The following PSMD14 variants were observed in gnomAD, a reference collection of about 807,000 sequenced individuals.
The protein encoded by PSMD14 is proteasome 26S subunit, non-ATPase 14.
Under a neutral mutation model 41.2 loss-of-function variants are expected in PSMD14, and 7 were observed. The ratio of observed to expected loss-of-function variants is 0.17; its 90% CI spans 0.10 to 0.32. The LOEUF (loss-of-function observed/expected upper bound fraction) is 0.32, where lower values mean the gene tolerates loss of function less well. PSMD14 is among the 10% of genes least tolerant of loss of function. PSMD14 has a pLI of 1.00. For synonymous variants in PSMD14, 114 were observed against 122.3 expected, an observed-to-expected ratio of 0.93 and a Z score of 0.45; for missense variants, 139 against 375.6, an observed-to-expected ratio of 0.37 and a Z score of 5.21.
At chr2:161,329,985 A>G (rs1399369845) in intron 3 of PSMD14, among the ~76,000 whole-genome samples, 1 of 152,192 alleles carries the variant, frequency 6.6e-6, no homozygotes, top group Non-Finnish European at 1.5e-5. Flanking sequence ...GGTACATGAT[A>G]GTTAACCTGT....
chr2:161,311,272 A>G (rs1031063406), intron 1 of PSMD14, among the ~76,000 whole-genome samples: 40 of 152,116 alleles, frequency 2.6e-4, no homozygotes, highest in Non-Finnish European at 5.3e-4. Flanking sequence ...TTGCGACACT[A>G]CACTCCAGCC....
At position 161,395,138 on chromosome 2, in the gene PSMD14, G is replaced by C. The variant is rs776573645; in HGVS notation, c.706G>C (p.Glu236Gln). 7 of 1,599,442 alleles carry C rather than the reference G, an allele frequency of 4.4e-6. No individual in the cohort carries two copies. In the East Asian group the frequency reaches 1.6e-4, roughly 36 times the overall value. Reference sequence around the variant, plus strand: ...AGGTTTGACACTTCAGGACTACAGTGAACATTGTAAACACAATGAATCAGT... The same window carrying C: ...AGGTTTGACACTTCAGGACTACAGTCAACATTGTAAACACAATGAATCAGT... ...MEGLTLQDYS[E>Q]HCKHNESVVK... The change falls in exon 10 of 12, where the codon GAA becomes CAA. Residue 236 changes from glutamate (E) to glutamine (Q), a missense_variant. Transcript: ENST00000409682.
At chr2:161,410,209 C>T (rs1166692503) in intron 11 of PSMD14, among the ~76,000 whole-genome samples, 1 of 151,934 alleles carries the variant, frequency 6.6e-6, no homozygotes. Context: ...CAGTGTTTCT[C>T]AGTGTTTTTC....
intron 3 of PSMD14, among the ~76,000 whole-genome samples, chr2:161,363,984 T>G (rs1683325125): frequency 1.3e-5 from 2 of 152,228 alleles, no homozygotes; most frequent in Non-Finnish European, 2.9e-5. Flanking sequence ...TTTCTGTATC[T>G]GGGGGTTCTT....
In PSMD14 at chr2:161,408,827, T is replaced by G; in HGVS notation, c.772-10T>G. The G allele has an allele frequency of 1.3e-6, 2 of 1,593,324 alleles. No homozygotes were observed. Among genetic ancestry groups the G allele is most frequent in the Non-Finnish European group, 1.7e-6 (2 of 1,163,576 alleles). ...AATTTTAAACTCTGTCCTTTGTGTT[T>G]CATTCACAGGCTGTAGAAGAAGAAG... On this transcript the variant is annotated splice_polypyrimidine_tract_variant and intron_variant, in intron 10 of 11. Coordinates refer to ENST00000409682, the MANE Select transcript of PSMD14 (RefSeq NM_005805.6).
At chr2:161,346,731 T>C (rs901475695) in intron 3 of PSMD14, among the ~76,000 whole-genome samples, 1 of 151,890 alleles carries the variant, frequency 6.6e-6, no homozygotes, top group African/African-American at 2.4e-5. Flanking sequence ...TTTTCTACTA[T>C]TGAGGCTAGA....
chr2:161,368,019 T>C (rs1683382443), intron 5 of PSMD14, 116 bp downstream of exon 5: 2 of 1,235,218 alleles, frequency 1.6e-6, no homozygotes, highest in East Asian at 2.7e-5. Flanking sequence ...GAAAAATTAA[T>C]CATAAGTTTG....
chr2:161,397,414 G>T (rs1036144119), intron 10 of PSMD14, among the ~76,000 whole-genome samples: 1 of 152,130 alleles, frequency 6.6e-6, no homozygotes, highest in Non-Finnish European at 1.5e-5. Context: ...TTCCTGCCTG[G>T]GTGACCAGTA....
chr2:161,332,628 T>G (rs976788994), intron 3 of PSMD14, among the ~76,000 whole-genome samples: 12 of 152,226 alleles, frequency 7.9e-5, no homozygotes, highest in Admixed American at 6.5e-5. Flanking sequence ...ACTTTAATGA[T>G]GAGGTTTCAA....
intron 1 of PSMD14, among the ~76,000 whole-genome samples, chr2:161,311,406 T>C (rs898624968): frequency 1.3e-5 from 2 of 152,176 alleles, no homozygotes; most frequent in African/African-American, 4.8e-5. Flanking sequence ...GTATTGTATT[T>C]AATTGTATTA....
intron 7 of PSMD14, among the ~76,000 whole-genome samples, chr2:161,380,811 TA>T (rs1262877859): frequency 6.6e-6 from 1 of 151,972 alleles, no homozygotes; most frequent in African/African-American, 2.4e-5. Context: ...ACAAGAGACA[TA>T]AGATGTTTTT....
chr2:161,386,180 T>C (rs1216311256), intron 8 of PSMD14, among the ~76,000 whole-genome samples: 2 of 151,870 alleles, frequency 1.3e-5, no homozygotes, highest in African/African-American at 4.8e-5. Flanking sequence ...TTTGTATCAT[T>C]CACATGCCAT....
intron 3 of PSMD14, among the ~76,000 whole-genome samples, chr2:161,330,680 A>G (rs190013226): frequency 4.7e-4 from 71 of 152,332 alleles, no homozygotes; most frequent in Admixed American, 4.5e-3. Context: ...GTATGCCACC[A>G]GAGCAGGGCA....
intron 3 of PSMD14, among the ~76,000 whole-genome samples, chr2:161,341,527 T>G (rs1207130940): frequency 6.6e-6 from 1 of 151,978 alleles, no homozygotes; most frequent in Non-Finnish European, 1.5e-5. Context: ...CCAGAGTTTT[T>G]AATTTTGATA....
chr2:161,323,644 CAG>C (rs1682650757), intron 3 of PSMD14, among the ~76,000 whole-genome samples: 3 of 151,304 alleles, frequency 2.0e-5, no homozygotes, highest in Admixed American at 6.6e-5. Flanking sequence ...GCCTGGGTGA[CAG>C]AGTGAGACTA....
rs910985084 is a variant in PSMD14 at position 161,411,698 on chromosome 2, T to C, written c.*298T>C. The C allele has an allele frequency of 3.9e-5, 7 of 177,740 alleles. No individual in the cohort carries two copies. Among genetic ancestry groups the C allele is most frequent in the Non-Finnish European group, 8.2e-5 (7 of 85,050 alleles). 11.0% of individuals were successfully genotyped at this position (177,740 alleles called of 1,614,324 possible). ...TATATTTTGATTGTCACTTACAAAATAAAATACATTTACAGTCTATGCCTC... is the reference window on the plus strand; with the variant it reads ...TATATTTTGATTGTCACTTACAAAACAAAATACATTTACAGTCTATGCCTC... On this transcript the variant is annotated 3_prime_UTR_variant, in exon 12 of 12. Coordinates refer to ENST00000409682, the MANE Select transcript of PSMD14 (RefSeq NM_005805.6).
chr2:161,334,459 C>T lies in PSMD14; in HGVS notation c.48+15586C>T, dbSNP rs547322802. On this transcript the variant is annotated intron_variant, in intron 3 of 11. Transcript: ENST00000409682. ...AAAATGTCCAGTAGTTAATAGATAA[C>T]CTTGATTAATCAATAGGTTTCCCTT... 2.6e-5 allele frequency among the ~76,000 whole-genome samples: 4 copies of T among 152,290 alleles called. No individual in the cohort carries two copies. The South Asian group carries it at 8.3e-4, about 32-fold the overall frequency.
chr2:161,360,250 C>T (rs751741192), intron 3 of PSMD14, among the ~76,000 whole-genome samples: 22 of 148,414 alleles, frequency 1.5e-4, no homozygotes, highest in Non-Finnish European at 2.1e-4. Context: ...AGTGCAGTGG[C>T]GAGATCATGA....
chr2:161,386,743 T>G (rs1683640935), intron 8 of PSMD14, among the ~76,000 whole-genome samples: 2 of 151,910 alleles, frequency 1.3e-5, no homozygotes, highest in Non-Finnish European at 2.9e-5. Flanking sequence ...TACTGCTTCA[T>G]TATTTTTTGC....
Sources: allele counts gnomAD v4.1 joint callset (sites outside exome capture counted in the v4.1 genomes callset), GRCh38; gene constraint gnomAD v4.1.1; transcripts MANE v1.5; gene names NCBI Gene and HGNC (gene_info 2026-07-23, HGNC 2026-07-21).